The following NRG3 variants were observed in gnomAD, a reference collection of about 807,000 sequenced individuals.
NRG3 encodes the protein pro-neuregulin-3, membrane-bound isoform.
A neutral mutation model predicts 66.9 loss-of-function variants in NRG3; 31 were observed. The observed-to-expected ratio is 0.46, with a 90% CI of 0.35 to 0.63. The LOEUF (loss-of-function observed/expected upper bound fraction) is 0.63, where lower values mean the gene tolerates loss of function less well. Among genes scored for constraint, NRG3 ranks in the 20% least tolerant of loss-of-function variants. NRG3 has a pLI of 0.00. For missense variants in NRG3, 910 were observed against 878.9 expected, an observed-to-expected ratio of 1.04 and a Z score of -0.45; for synonymous variants, 393 against 359.4, an observed-to-expected ratio of 1.09 and a Z score of -1.06.
chr10:81,999,648 A>C (rs75824127), intron 1 of NRG3, among the ~76,000 whole-genome samples: 1 of 152,212 alleles, frequency 6.6e-6, no homozygotes, highest in African/African-American at 2.4e-5. Context: ...AAATAGATTC[A>C]TATGTGCTCA....
Position 82,801,311 on chromosome 10 carries a change from G to A in NRG3, c.1027+62661G>A, listed in dbSNP as rs115645882. On this transcript the variant is annotated intron_variant, in intron 3 of 8. Transcript: ENST00000372141. ...TCAGTAAGCACTGGAAATTAAGAGC[G>A]TAAGACTGAAGTAACTATGAAAACT... is the stretch of plus-strand genomic sequence containing the variant. Among the ~76,000 whole-genome samples, 273 of 152,304 alleles carry A rather than the reference G, an allele frequency of 1.8e-3. 1 individual carries two copies. The highest frequency in any genetic ancestry group is 5.9e-3 in the African/African-American group (244 of 41,582).
rs374849923 is a variant in NRG3 at position 82,358,849 on chromosome 10, G to A, written c.934G>A (p.Gly312Arg). The change falls in exon 2 of 9, where the codon GGA becomes AGA. Residue 312 changes from glycine to arginine, a missense_variant. By Grantham distance (125) the Gly-to-Arg change is moderately radical (BLOSUM62 -2). Coordinates refer to ENST00000372141, the MANE Select transcript of NRG3 (RefSeq NM_001010848.4). ...GECFVIETLTGSHKHCRCKEG... is the reference protein window; with the variant it reads ...GECFVIETLTRSHKHCRCKEG... Reference sequence around the variant, plus strand: ...GTGCTTTGTGATCGAAACCCTGACCGGATCCCATAAACACTGTCGGTAAGC... The same window carrying A: ...GTGCTTTGTGATCGAAACCCTGACCAGATCCCATAAACACTGTCGGTAAGC... 9 of 1,614,032 alleles carry A rather than the reference G, an allele frequency of 5.6e-6. No individual in the cohort carries two copies. Among genetic ancestry groups the A allele is most frequent in the African/African-American group, 4.0e-5 (3 of 74,914 alleles).
chr10:82,736,961 A>G (rs1242574886), intron 2 of NRG3, among the ~76,000 whole-genome samples: 2 of 152,228 alleles, frequency 1.3e-5, no homozygotes, highest in East Asian at 1.9e-4. Context: ...TGAAAGCACC[A>G]TGGTACGATA....
intron 1 of NRG3, among the ~76,000 whole-genome samples, chr10:82,070,556 T>C (rs2064749478): frequency 6.6e-6 from 1 of 152,106 alleles, no homozygotes; most frequent in Non-Finnish European, 1.5e-5. Context: ...CAGATGAAGA[T>C]AAATACAATT....
intron 2 of NRG3, among the ~76,000 whole-genome samples, chr10:82,449,169 A>G (rs913399556): frequency 1.3e-5 from 2 of 152,188 alleles, no homozygotes; most frequent in African/African-American, 4.8e-5. Context: ...GCCATTTGGA[A>G]CAAGGCTTCC....
chr10:82,532,415 A>G lies in NRG3; in HGVS notation c.953+173547A>G, dbSNP rs965980055. 2.7e-5 allele frequency among the ~76,000 whole-genome samples: 4 copies of G among 150,254 alleles called. No individual in the cohort carries two copies. The East Asian group carries it at 7.8e-4, about 29-fold the overall frequency. ...TTGTACTATATATATAGTACAATAC[A>G]TATATAGTACTATACAATGGATTAC... On this transcript the variant is annotated intron_variant, in intron 2 of 8. Coordinates refer to ENST00000372141, the MANE Select transcript of NRG3 (RefSeq NM_001010848.4).
chr10:82,729,510 T>C (rs61456466), intron 2 of NRG3, among the ~76,000 whole-genome samples: 5,424 of 152,232 alleles, frequency 0.036, 351 homozygotes, highest in African/African-American at 0.12. Flanking sequence ...TCCTCCCACA[T>C]AGCTGCTCTG....
At chr10:82,265,420 C>T (rs183094756) in intron 1 of NRG3, among the ~76,000 whole-genome samples, 1 of 152,230 alleles carries the variant, frequency 6.6e-6, no homozygotes, top group Non-Finnish European at 1.5e-5. Context: ...GACGATGGCA[C>T]TGTAATGTAT....
intron 2 of NRG3, among the ~76,000 whole-genome samples, chr10:82,686,313 G>A (rs4578325): frequency 0.21 from 31,310 of 151,352 alleles, 3,409 homozygotes; most frequent in Middle Eastern, 0.34. Context: ...TCAACCTCCC[G>A]AGTAGCTGGA....
chr10:81,895,464 G>T (rs1002933145), intron 1 of NRG3, among the ~76,000 whole-genome samples: 1 of 152,084 alleles, frequency 6.6e-6, no homozygotes, highest in Non-Finnish European at 1.5e-5. Context: ...AATTCAGGAG[G>T]CTTTTGGATT....
At chr10:82,865,553 T>A in intron 4 of NRG3, 116 bp downstream of exon 4, 3 of 1,034,628 alleles carry the variant, frequency 2.9e-6, no homozygotes, top group Middle Eastern at 2.1e-4. Context: ...CAGATGCTAT[T>A]AGTAGGAAAA....
intron 1 of NRG3, among the ~76,000 whole-genome samples, chr10:81,964,102 C>T (rs1184921881): frequency 6.6e-6 from 1 of 152,030 alleles, no homozygotes; most frequent in African/African-American, 2.4e-5. Flanking sequence ...CAGAGATAAG[C>T]AATGTTATCA....
intron 3 of NRG3, among the ~76,000 whole-genome samples, chr10:82,741,184 C>A (rs2058407575): frequency 6.6e-6 from 1 of 152,076 alleles, no homozygotes; most frequent in African/African-American, 2.4e-5. Context: ...TTTAGGTAAT[C>A]ATTAATTCAT....
At chr10:82,501,647 T>C (rs556769984) in intron 2 of NRG3, among the ~76,000 whole-genome samples, 1 of 152,158 alleles carries the variant, frequency 6.6e-6, no homozygotes, top group African/African-American at 2.4e-5. Context: ...CTCTAAAATA[T>C]TATTTTCCCA....
chr10:82,675,331 G>A (rs773128689), intron 2 of NRG3, among the ~76,000 whole-genome samples: 8 of 152,112 alleles, frequency 5.3e-5, no homozygotes, highest in Non-Finnish European at 1.2e-4. Flanking sequence ...CTGATTGGTT[G>A]GGGGTGAAGT....
chr10:82,575,562 G>A (rs1167278220), intron 2 of NRG3, among the ~76,000 whole-genome samples: 1 of 151,668 alleles, frequency 6.6e-6, no homozygotes, highest in Non-Finnish European at 1.5e-5. Flanking sequence ...CAGGAGTGAC[G>A]TGATCAGATT....
At chr10:82,318,795 T>C (rs1050376190) in intron 1 of NRG3, among the ~76,000 whole-genome samples, 3 of 152,172 alleles carry the variant, frequency 2.0e-5, no homozygotes, top group African/African-American at 7.2e-5. Flanking sequence ...AAATAGAAAG[T>C]GAACATCTTG....
intron 1 of NRG3, among the ~76,000 whole-genome samples, chr10:82,171,303 T>C (rs2072587362): frequency 6.6e-6 from 1 of 152,084 alleles, no homozygotes; most frequent in Admixed American, 6.6e-5. Flanking sequence ...GCAAGGTTTT[T>C]CCTCTCTTTG....
chr10:81,878,621 C>T (rs908027807), intron 1 of NRG3, among the ~76,000 whole-genome samples: 7 of 152,048 alleles, frequency 4.6e-5, no homozygotes, highest in South Asian at 2.1e-4. Context: ...TGATTATGCC[C>T]GTAAAGTTCC....
Sources: allele counts gnomAD v4.1 joint callset (sites outside exome capture counted in the v4.1 genomes callset), GRCh38; gene constraint gnomAD v4.1.1; transcripts MANE v1.5; gene names NCBI Gene and HGNC (gene_info 2026-07-23, HGNC 2026-07-21).